The following ESRRB variants were observed in gnomAD, a reference collection of about 807,000 sequenced individuals.
The protein encoded by ESRRB is estrogen related receptor beta.
ESRRB carries 16 observed loss-of-function variants against 46.0 expected under a neutral mutation model. That is an observed-to-expected ratio of 0.35 (90% CI 0.24 to 0.53). ESRRB has a LOEUF of 0.53. Among genes scored for constraint, ESRRB ranks in the 20% least tolerant of loss-of-function variants. The pLI is 0.93. For synonymous variants in ESRRB, 246 were observed against 259.6 expected (o/e 0.95, Z 0.50); for missense variants, 488 against 607.4 (o/e 0.80, Z 2.07).
intron 1 of ESRRB, among the ~76,000 whole-genome samples, chr14:76,388,166 T>G (rs1422185105): frequency 6.6e-6 from 1 of 150,728 alleles, no homozygotes; most frequent in Non-Finnish European, 1.5e-5. Flanking sequence ...ATTTCAGCTT[T>G]CTTTCATTCT....
At chr14:76,332,783 T>A (rs1297246590) in intron 1 of ESRRB, among the ~76,000 whole-genome samples, 1,505 of 14,300 alleles carry the variant, frequency 0.11, 106 homozygotes, top group East Asian at 0.18. Context: ...TATTATATAT[T>A]ATATATAAAT....
At chr14:76,362,476 T>C (rs1884475993) in intron 1 of ESRRB, among the ~76,000 whole-genome samples, 1 of 152,234 alleles carries the variant, frequency 6.6e-6, no homozygotes, top group African/African-American at 2.4e-5. Flanking sequence ...TGGTCCTGGC[T>C]TGCAAGGTTG....
At chr14:76,390,344 C>T (rs1223250486) in intron 1 of ESRRB, among the ~76,000 whole-genome samples, 1 of 152,124 alleles carries the variant, frequency 6.6e-6, no homozygotes, top group East Asian at 1.9e-4. Context: ...CAAAAATCAG[C>T]CAGGCGTGGT....
intron 3 of ESRRB, among the ~76,000 whole-genome samples, chr14:76,466,046 A>G (rs1376193691): frequency 6.6e-6 from 1 of 152,154 alleles, no homozygotes; most frequent in Non-Finnish European, 1.5e-5. Flanking sequence ...TCTGCAGGCA[A>G]GGCCCAGGCC....
upstream of ESRRB, among the ~76,000 whole-genome samples, chr14:76,367,063 C>G (rs746427616): frequency 5.9e-5 from 9 of 152,116 alleles, no homozygotes; most frequent in Non-Finnish European, 1.3e-4. Flanking sequence ...AAACAGAGAC[C>G]TGGGGCGAGC....
At chr14:76,483,631 C>G (rs1429463992) in intron 5 of ESRRB, among the ~76,000 whole-genome samples, 1 of 152,200 alleles carries the variant, frequency 6.6e-6, no homozygotes, top group Admixed American at 6.5e-5. Flanking sequence ...GGGGGCCTTT[C>G]TCTGTGCAAT....
intron 3 of ESRRB, among the ~76,000 whole-genome samples, chr14:76,469,944 C>CTTTTTTTTTTTTTTT (rs1178018542): frequency 6.3e-4 from 46 of 73,068 alleles, no homozygotes; most frequent in Non-Finnish European, 7.7e-4. Context: ...TTTTTTTTTT[C>CTTTTTTTTTTTTTTT]TTTTTTTTTT....
upstream of ESRRB, among the ~76,000 whole-genome samples, chr14:76,373,621 T>C (rs917030693): frequency 6.6e-6 from 1 of 152,206 alleles, no homozygotes; most frequent in African/African-American, 2.4e-5. Context: ...ATCATGCCAC[T>C]AGGGTGTCCC....
intron 1 of ESRRB, among the ~76,000 whole-genome samples, chr14:76,336,141 A>G (rs928358594): frequency 3.9e-5 from 6 of 152,150 alleles, no homozygotes; most frequent in Non-Finnish European, 5.9e-5. Context: ...TTTTCACCCA[A>G]TCTGCAAAAT....
chr14:76,317,156 CAG>C (rs1027277552), intron 1 of ESRRB, among the ~76,000 whole-genome samples: 5 of 122,664 alleles, frequency 4.1e-5, no homozygotes, highest in South Asian at 3.0e-4. Context: ...GTTTGGAAGA[CAG>C]GGGATAAAAA....
chr14:76,352,289 C>T (rs1027581632), intron 1 of ESRRB, among the ~76,000 whole-genome samples: 24 of 152,174 alleles, frequency 1.6e-4, no homozygotes, highest in Admixed American at 1.5e-3. Flanking sequence ...AACTCAGTTC[C>T]CAGCATGCAG....
chr14:76,374,550 C>A (rs1481146193), upstream of ESRRB, among the ~76,000 whole-genome samples: 4 of 152,098 alleles, frequency 2.6e-5, no homozygotes, highest in Non-Finnish European at 5.9e-5. Flanking sequence ...TTTTACAAAT[C>A]GCTCCCTGGC....
At chr14:76,453,098 C>A (rs565135317) in intron 2 of ESRRB, among the ~76,000 whole-genome samples, 1 of 152,206 alleles carries the variant, frequency 6.6e-6, no homozygotes, top group African/African-American at 2.4e-5. Context: ...TCTGATTTAG[C>A]CTTTCAGGTG....
intron 1 of ESRRB, among the ~76,000 whole-genome samples, chr14:76,391,695 T>C (rs146582302): frequency 4.7e-4 from 72 of 152,368 alleles, no homozygotes; most frequent in African/African-American, 1.7e-3. Context: ...TGGAGGAGCC[T>C]TCAGTAAATG....
intron 1 of ESRRB, among the ~76,000 whole-genome samples, chr14:76,429,675 G>A (rs932687800): frequency 2.4e-4 from 37 of 152,228 alleles, no homozygotes; most frequent in African/African-American, 5.3e-4. Flanking sequence ...GCTTGAACCC[G>A]GGAGGTAGTG....
intron 1 of ESRRB, among the ~76,000 whole-genome samples, chr14:76,402,275 A>G (rs929788465): frequency 2.6e-5 from 4 of 152,250 alleles, no homozygotes; most frequent in Admixed American, 2.0e-4. Context: ...TTGACACTCA[A>G]AATTAACCAT....
intron 5 of ESRRB, among the ~76,000 whole-genome samples, chr14:76,486,807 G>T (rs528362784): frequency 3.3e-5 from 5 of 152,240 alleles, no homozygotes; most frequent in Admixed American, 3.3e-4. Context: ...CCAGGGGCAC[G>T]GGGCACCCCC....
At chr14:76,411,895 AT>A (rs572544832) in intron 1 of ESRRB, among the ~76,000 whole-genome samples, 178 of 152,326 alleles carry the variant, frequency 1.2e-3, no homozygotes, top group African/African-American at 4.1e-3. Context: ...AATATTTAAT[AT>A]TTTTAAACAA....
intron 3 of ESRRB, among the ~76,000 whole-genome samples, chr14:76,462,953 C>T (rs74674851): frequency 2.6e-5 from 4 of 152,314 alleles, no homozygotes; most frequent in Admixed American, 1.3e-4. Flanking sequence ...GCAAATCCCA[C>T]GTCTACCCTA....
Sources: allele counts gnomAD v4.1 joint callset (sites outside exome capture counted in the v4.1 genomes callset), GRCh38; gene constraint gnomAD v4.1.1; transcripts MANE v1.5; gene names NCBI Gene and HGNC (gene_info 2026-07-23, HGNC 2026-07-21).